The following AGTPBP1 variants were observed in gnomAD, a reference collection of about 807,000 sequenced individuals.
AGTPBP1 encodes the protein cytosolic carboxypeptidase 1.
AGTPBP1 carries 70 observed loss-of-function variants against 143.9 expected under a neutral mutation model. That is an observed-to-expected ratio of 0.49 (90% CI 0.40 to 0.59). The LOEUF is 0.59. AGTPBP1 is among the 20% of genes least tolerant of loss of function. AGTPBP1 has a pLI of 0.00. For missense variants in AGTPBP1, 1,229 were observed against 1,464.5 expected (o/e 0.84, Z 2.62); for synonymous variants, 463 against 500.2 (o/e 0.93, Z 0.99).
In AGTPBP1 at chr9:85,655,303, C is replaced by T. The variant is rs201333759; in HGVS notation, c.927G>A (p.Arg309=). 3,584 of 1,544,416 alleles carry T rather than the reference C, an allele frequency of 2.3e-3. 6 individuals are homozygous for T. The highest frequency in any genetic ancestry group is 2.8e-3 in the Non-Finnish European group (3,255 of 1,145,088). The change falls in exon 11 of 26, where the codon AGG becomes AGA. Residue 309 remains arginine, a synonymous_variant. Transcript: ENST00000357081. Reference sequence around the variant, plus strand: ...AGGTATTGACAAGAGGATCCAGAGTCCTGACTGCCAGACATTCCTGTTTTT... The same window carrying T: ...AGGTATTGACAAGAGGATCCAGAGTTCTGACTGCCAGACATTCCTGTTTTT... ...YNTSQECLAV[R]TLDPLVNTSS... is the part of the protein sequence containing the mutation.
rs59839615 is a variant in AGTPBP1 at position 85,575,238 on chromosome 9, C to T, written c.3503+77G>A. Reference sequence around the variant, plus strand: ...AACATGCTCTTGCCTGTCAAAATTTCCATGCCTTTTCTGCTATTTTAATGA... The same window carrying T: ...AACATGCTCTTGCCTGTCAAAATTTTCATGCCTTTTCTGCTATTTTAATGA... On this transcript the variant is annotated intron_variant, in intron 25 of 25. Transcript: ENST00000357081. 0.011 allele frequency: 12,278 copies of T among 1,137,884 alleles called. 952 individuals are homozygous for T. In the African/African-American group the frequency reaches 0.17, roughly 16 times the overall value. 70.5% of individuals were successfully genotyped at this position (1,137,884 alleles called of 1,614,324 possible).
chr9:85,697,878 G>C (rs1165559288), intron 2 of AGTPBP1, among the ~76,000 whole-genome samples: 1 of 152,094 alleles, frequency 6.6e-6, no homozygotes, highest in Non-Finnish European at 1.5e-5. Flanking sequence ...TGCTCTTTTA[G>C]GCTTCTCTTG....
intron 17 of AGTPBP1, among the ~76,000 whole-genome samples, chr9:85,609,892 T>C (rs1830213310): frequency 6.6e-6 from 1 of 152,158 alleles, no homozygotes; most frequent in Non-Finnish European, 1.5e-5. Context: ...ACAAGATATT[T>C]AGATAGTCTC....
At chr9:85,704,578 C>T (rs1158333095) in intron 2 of AGTPBP1, among the ~76,000 whole-genome samples, 1 of 152,086 alleles carries the variant, frequency 6.6e-6, no homozygotes, top group Admixed American at 6.6e-5. Context: ...TCCTATCTAA[C>T]AAACATTAAA....
At position 85,695,506 on chromosome 9, in the gene AGTPBP1, T is replaced by C. The variant is rs187611195; in HGVS notation, c.33-2693A>G. On this transcript the variant is annotated intron_variant, in intron 2 of 25. Transcript: ENST00000357081. ...TGCACCGATGGTCCAAAGGCAATGA[T>C]GGGTACAGAGTTGGCATTGCAGCAA... 2.6e-4 allele frequency among the ~76,000 whole-genome samples: 40 copies of C among 152,328 alleles called. No homozygotes were observed. In the East Asian group the frequency reaches 7.3e-3, roughly 28 times the overall value.
chr9:85,653,180 G>A (rs1833276198), intron 11 of AGTPBP1, among the ~76,000 whole-genome samples: 1 of 149,634 alleles, frequency 6.7e-6, no homozygotes. Context: ...GAGGTGGGGG[G>A]GATCTCTTGA....
chr9:85,649,815 A>G (rs1417242577), intron 11 of AGTPBP1, among the ~76,000 whole-genome samples: 2 of 152,158 alleles, frequency 1.3e-5, no homozygotes, highest in African/African-American at 4.8e-5. Context: ...TGATCTACTG[A>G]TAATATATTT....
chr9:85,547,680 T>C (rs755352505), intron 25 of AGTPBP1, among the ~76,000 whole-genome samples: 18 of 152,182 alleles, frequency 1.2e-4, no homozygotes, highest in Admixed American at 5.2e-4. Context: ...CAAGAAACTG[T>C]GAGCATTTAA....
chr9:85,692,073 TAACCA>T (rs1218679726), intron 3 of AGTPBP1, among the ~76,000 whole-genome samples: 8 of 152,086 alleles, frequency 5.3e-5, no homozygotes, highest in Non-Finnish European at 1.2e-4. Flanking sequence ...GACCCCATAA[TAACCA>T]ATATTCTATG....
At chr9:85,659,915 G>T (rs370017069) in intron 9 of AGTPBP1, among the ~76,000 whole-genome samples, 2 of 151,926 alleles carry the variant, frequency 1.3e-5, no homozygotes, top group Admixed American at 6.6e-5. Flanking sequence ...CATCATATAT[G>T]AAAATAAAGC....
At chr9:85,642,337 CT>C (rs892366535) in intron 13 of AGTPBP1, among the ~76,000 whole-genome samples, 88 of 148,694 alleles carry the variant, frequency 5.9e-4, no homozygotes, top group Middle Eastern at 3.4e-3. Context: ...CATCTCCCCT[CT>C]TTTTTTTTTG....
chr9:85,655,702 AAAAC>A lies in AGTPBP1; in HGVS notation c.910-386_910-383del, dbSNP rs535657365. On this transcript the variant is annotated intron_variant, in intron 10 of 25. Transcript: ENST00000357081. ...TGTAAGAAATTAAAAAACAAAAAAA[AAAAC>A]ACGCATTTGACCAAACCTTCCTCAG... Among the ~76,000 whole-genome samples, 35 of 152,270 alleles carry A rather than the reference AAAAC, an allele frequency of 2.3e-4. No homozygotes were observed. In the East Asian group the frequency reaches 5.6e-3, roughly 24 times the overall value.
chr9:85,546,911 T>A lies in AGTPBP1; in HGVS notation c.*198A>T, dbSNP rs1338402695. 1 of 469,874 alleles carries A rather than the reference T, an allele frequency of 2.1e-6. No homozygotes were observed. The highest frequency in any genetic ancestry group is 2.0e-5 in the African/African-American group (1 of 49,864). The allele number at this position is 469,874 out of a possible 1,614,324, so 29.1% of individuals were successfully genotyped here. A position where few individuals can be genotyped will look rare whatever the true frequency, so the allele number is the denominator to read the frequency against. ...TCATTCAATGCTACATAAAGTGCAT[T>A]GAATATCGAAAATAAAACAAGCGCC... On this transcript the variant is annotated 3_prime_UTR_variant, in exon 26 of 26. Transcript: ENST00000357081.
intron 1 of AGTPBP1, among the ~76,000 whole-genome samples, chr9:85,735,031 T>C (rs1839149107): frequency 6.6e-6 from 1 of 152,114 alleles, no homozygotes; most frequent in Admixed American, 6.5e-5. Flanking sequence ...CGAGACTCCA[T>C]CTAAAAAAAT....
chr9:85,737,754 T>C (rs1823900259), intron 1 of AGTPBP1, among the ~76,000 whole-genome samples: 2 of 152,210 alleles, frequency 1.3e-5, no homozygotes, highest in African/African-American at 4.8e-5. Flanking sequence ...ATCCACTTAC[T>C]GGATTTCTCA....
chr9:85,560,899 C>T (rs778022380), intron 25 of AGTPBP1, among the ~76,000 whole-genome samples: 9 of 151,994 alleles, frequency 5.9e-5, no homozygotes, highest in Non-Finnish European at 1.2e-4. Flanking sequence ...ATAATGAAGG[C>T]AGGAACAATG....
At chr9:85,757,178 C>T in the AGTPBP1 span, among the ~76,000 whole-genome samples, 24 of 152,156 alleles carry the variant, frequency 1.6e-4, no homozygotes, top group South Asian at 6.2e-4. Context: ...GTGATTCTCC[C>T]GTCTCAGCCT....
the AGTPBP1 span, among the ~76,000 whole-genome samples, chr9:85,748,946 T>C: frequency 6.6e-6 from 1 of 151,172 alleles, no homozygotes; most frequent in Admixed American, 6.6e-5. Context: ...AGAAGTCTGC[T>C]GAAATGCAAC....
chr9:85,734,168 G>A (rs976648645), intron 1 of AGTPBP1, among the ~76,000 whole-genome samples: 4 of 152,076 alleles, frequency 2.6e-5, no homozygotes, highest in Admixed American at 6.6e-5. Context: ...CAGAAGGATC[G>A]CTTGAACCCA....
Sources: allele counts gnomAD v4.1 joint callset (sites outside exome capture counted in the v4.1 genomes callset), GRCh38; gene constraint gnomAD v4.1.1; transcripts MANE v1.5; gene names NCBI Gene and HGNC (gene_info 2026-07-23, HGNC 2026-07-21).